Variants in EPB41L5 observed in about 807,000 individuals in gnomAD.
EPB41L5 encodes erythrocyte membrane protein band 4.1 like 5.
EPB41L5 carries 55 observed loss-of-function variants against 106.6 expected under a neutral mutation model. The ratio of observed to expected loss-of-function variants is 0.52; its 90% CI spans 0.42 to 0.65. The LOEUF is 0.65. Ranked by LOEUF, EPB41L5 falls within the 30% of genes least tolerant of loss-of-function variation. The pLI is 0.00. For synonymous variants in EPB41L5, 297 were observed against 306.7 expected (o/e 0.97, Z 0.33); for missense variants, 871 against 882.1 (o/e 0.99, Z 0.16).
rs756606683 is a variant in EPB41L5 at position 120,091,536 on chromosome 2, T to C, written c.1044-19T>C. 2 of 1,589,792 alleles carry C rather than the reference T, an allele frequency of 1.3e-6. No individual in the cohort carries two copies. On this transcript the variant is annotated intron_variant, in intron 12 of 24. Transcript: ENST00000263713. ...CTGTAGACCTAAAATTTCCCTTACT[T>C]CTGTTATGCCTCATTTAGTGGGAAA...
intron 20 of EPB41L5, among the ~76,000 whole-genome samples, chr2:120,157,798 C>A (rs1364754296): frequency 5.4e-5 from 8 of 146,936 alleles, no homozygotes; most frequent in East Asian, 2.0e-4. Context: ...TCCAAAAAAA[C>A]CACAAAAGAT....
At chr2:120,167,412 G>A in intron 22 of EPB41L5, 54 bp from the exon 23 acceptor site, 1 of 1,443,662 alleles carries the variant, frequency 6.9e-7, no homozygotes. Context: ...TTATAAGTAT[G>A]AAAATAAGTC....
At chr2:120,090,249 C>T in intron 11 of EPB41L5, 98 bp from the exon 12 acceptor site, 1 of 1,012,530 alleles carries the variant, frequency 9.9e-7, no homozygotes, top group South Asian at 1.9e-5. Context: ...AGGGAGCACA[C>T]TAGATCCTTT....
intron 16 of EPB41L5, among the ~76,000 whole-genome samples, chr2:120,110,774 A>T (rs1476845343): frequency 6.6e-6 from 1 of 151,696 alleles, no homozygotes; most frequent in African/African-American, 2.4e-5. Flanking sequence ...AGCTGGGACT[A>T]CAGGAGTGCG....
At chr2:120,167,597 A>C in intron 23 of EPB41L5, 90 bp downstream of exon 23, 1 of 1,365,338 alleles carries the variant, frequency 7.3e-7, no homozygotes, top group Non-Finnish European at 1.0e-6. Context: ...TTCCTTAAAA[A>C]CATGAGGGTT....
At chr2:120,013,388 C>T (rs975315054) in intron 1 of EPB41L5, 178 bp downstream of exon 1, 8 of 152,054 alleles carry the variant, frequency 5.3e-5, no homozygotes, top group Non-Finnish European at 1.0e-4. Context: ...GCATTAATCC[C>T]GCCGGAGGGA....
chr2:120,067,200 C>T (rs1263509325), intron 3 of EPB41L5, among the ~76,000 whole-genome samples: 1 of 152,182 alleles, frequency 6.6e-6, no homozygotes, highest in African/African-American at 2.4e-5. Flanking sequence ...AAAATATTTG[C>T]TGAACATTTT....
intron 3 of EPB41L5, among the ~76,000 whole-genome samples, chr2:120,061,292 G>A (rs1465498118): frequency 1.4e-5 from 2 of 145,644 alleles, no homozygotes; most frequent in Non-Finnish European, 3.0e-5. Flanking sequence ...GCGGGATCTC[G>A]GCTCACTGCA....
intron 3 of EPB41L5, among the ~76,000 whole-genome samples, chr2:120,042,521 G>A (rs1679466317): frequency 6.6e-6 from 1 of 152,124 alleles, no homozygotes; most frequent in Non-Finnish European, 1.5e-5. Context: ...ATATCTCTAA[G>A]TTCCCTTTCA....
chr2:120,154,733 T>G (rs1254226461), intron 20 of EPB41L5, among the ~76,000 whole-genome samples: 1 of 151,906 alleles, frequency 6.6e-6, no homozygotes, highest in Non-Finnish European at 1.5e-5. Context: ...AAAACCATCC[T>G]GGCTAACATG....
At chr2:120,150,238 G>T (rs1220246424) in intron 20 of EPB41L5, among the ~76,000 whole-genome samples, 1 of 152,154 alleles carries the variant, frequency 6.6e-6, no homozygotes, top group Non-Finnish European at 1.5e-5. Flanking sequence ...GATTAAGAAT[G>T]TTGGGGATTT....
intron 16 of EPB41L5, among the ~76,000 whole-genome samples, chr2:120,115,580 C>T (rs1264090678): frequency 2.0e-5 from 3 of 151,714 alleles, no homozygotes; most frequent in South Asian, 4.2e-4. Context: ...TTAGTAGAGA[C>T]GGGGTTTCAC....
chr2:120,148,029 A>G (rs1410866907), intron 20 of EPB41L5, among the ~76,000 whole-genome samples: 2 of 152,126 alleles, frequency 1.3e-5, no homozygotes, highest in Middle Eastern at 3.2e-3. Flanking sequence ...AAAATGCAGT[A>G]TTTTAGGCAC....
intron 18 of EPB41L5, among the ~76,000 whole-genome samples, chr2:120,136,067 C>T (rs1234128939): frequency 8.2e-6 from 1 of 122,282 alleles, no homozygotes; most frequent in Admixed American, 9.2e-5. Flanking sequence ...TAAATAGAAA[C>T]AACAAAAAGT....
intron 2 of EPB41L5, among the ~76,000 whole-genome samples, chr2:120,036,948 C>G (rs1679076904): frequency 6.6e-6 from 1 of 152,048 alleles, no homozygotes; most frequent in South Asian, 2.1e-4. Flanking sequence ...TCTGCTGTTG[C>G]CACTTTTGTT....
rs1431672343 is a variant in EPB41L5 at position 120,154,753 on chromosome 2, C to T, written c.1794-6128C>T. Among the ~76,000 whole-genome samples the T allele has an allele frequency of 3.3e-5, 5 of 151,870 alleles. No individual in the cohort carries two copies. The East Asian group carries it at 7.8e-4, about 24-fold the overall frequency. ...CATCCTGGCTAACATGGTGAAACCC[C>T]GTCTCTGCTAAAAATACAAAATATT... is the stretch of plus-strand genomic sequence containing the variant. On this transcript the variant is annotated intron_variant, in intron 20 of 24. Coordinates refer to ENST00000263713, the MANE Select transcript of EPB41L5 (RefSeq NM_020909.4).
At chr2:120,112,445 A>G (rs563630313) in intron 16 of EPB41L5, among the ~76,000 whole-genome samples, 3 of 152,354 alleles carry the variant, frequency 2.0e-5, no homozygotes, top group African/African-American at 7.2e-5. Context: ...GAAATAGTCA[A>G]AATACTGTTC....
At chr2:120,050,471 G>T (rs944896280) in intron 3 of EPB41L5, among the ~76,000 whole-genome samples, 26 of 152,160 alleles carry the variant, frequency 1.7e-4, no homozygotes, top group Non-Finnish European at 1.9e-4. Flanking sequence ...GCTTGTGCAT[G>T]CATCACGTCA....
At chr2:120,107,069 T>C (rs1482506145) in intron 16 of EPB41L5, among the ~76,000 whole-genome samples, 2 of 152,110 alleles carry the variant, frequency 1.3e-5, no homozygotes, top group Non-Finnish European at 2.9e-5. Context: ...TGGTTGGATC[T>C]TTTTTTAAAA....
Sources: gnomAD v4.1 joint callset for allele counts (sites outside exome capture counted in the v4.1 genomes callset) on GRCh38, gnomAD v4.1.1 for gene constraint, MANE v1.5 for transcripts, NCBI Gene and HGNC (gene_info 2026-07-23, HGNC 2026-07-21) for gene names.